EIF2B3: variants seen among roughly 807,000 people sequenced by gnomAD.
EIF2B3 encodes eukaryotic translation initiation factor 2B subunit gamma.
In EIF2B3, 20 loss-of-function variants were observed where a neutral mutation model predicts 54.1. The observed-to-expected ratio is 0.37, with a 90% confidence interval of 0.26 to 0.54. EIF2B3 has a LOEUF of 0.54. Among genes scored for constraint, EIF2B3 ranks in the 20% least tolerant of loss-of-function variants. EIF2B3 has a pLI of 0.86. For synonymous variants in EIF2B3, 153 were observed against 188.1 expected, an observed-to-expected ratio of 0.81 and a Z score of 1.52; for missense variants, 448 against 547.8, an observed-to-expected ratio of 0.82 and a Z score of 1.82.
Position 44,943,196 on chromosome 1 carries a change from A to T in EIF2B3, c.295-1531T>A, listed in dbSNP as rs536499. 6.8e-3 allele frequency among the ~76,000 whole-genome samples: 1,026 copies of T among 151,750 alleles called. 13 individuals carry two copies. Among genetic ancestry groups the T allele is most frequent in the African/African-American group, 0.024 (974 of 41,388 alleles). On this transcript the variant is annotated intron_variant, in intron 3 of 11. Coordinates refer to ENST00000360403, the MANE Select transcript of EIF2B3 (RefSeq NM_020365.5). ...AATTTTATTTTTAAATTAAAAAAAAAATAGAGACAGGGTCTCACTATGTTT... is the reference window on the plus strand; with the variant it reads ...AATTTTATTTTTAAATTAAAAAAAATATAGAGACAGGGTCTCACTATGTTT...
At position 44,955,888 on chromosome 1, in the gene EIF2B3, A is replaced by G. The variant is rs183922150; in HGVS notation, c.295-14223T>C. On this transcript the variant is annotated intron_variant, in intron 3 of 11. Coordinates refer to ENST00000360403, the MANE Select transcript of EIF2B3 (RefSeq NM_020365.5). ...CAGATGCTGGAGAGGATGTGGAGAA[A>G]CAGGAATGCTTTTACACTGTTGGTG... is the stretch of plus-strand genomic sequence containing the variant. 1.8e-3 allele frequency among the ~76,000 whole-genome samples: 267 copies of G among 152,334 alleles called. 1 individual carries two copies. Among genetic ancestry groups the G allele is most frequent in the African/African-American group, 6.1e-3 (254 of 41,584 alleles).
At chr1:44,956,308 G>A (rs546547356) in intron 3 of EIF2B3, among the ~76,000 whole-genome samples, 139 of 152,162 alleles carry the variant, frequency 9.1e-4, no homozygotes, top group Non-Finnish European at 1.6e-3. Flanking sequence ...AGTGGGAGTT[G>A]AACAATGAGA....
chr1:44,889,295 G>C (rs1321080645), intron 6 of EIF2B3, among the ~76,000 whole-genome samples: 1 of 152,196 alleles, frequency 6.6e-6, no homozygotes, highest in South Asian at 2.1e-4. Context: ...CAGCACTGTG[G>C]GAGGCTGAAG....
At chr1:44,877,220 A>AAAAAAAAAAAAC (rs1557666602) in intron 8 of EIF2B3, among the ~76,000 whole-genome samples, 1 of 148,570 alleles carries the variant, frequency 6.7e-6, no homozygotes, top group African/African-American at 2.5e-5. Context: ...AAAAAAAAAA[A>AAAAAAAAAAAAC]AACACCTTAG....
In EIF2B3 at chr1:44,980,648, G is replaced by A. The variant is rs183839366; in HGVS notation, c.148+373C>T. Among the ~76,000 whole-genome samples the A allele has an allele frequency of 4.6e-5, 7 of 151,900 alleles. No individual in the cohort carries two copies. In the East Asian group the frequency reaches 1.2e-3, roughly 25 times the overall value. Reference sequence around the variant, plus strand: ...TACCTCCGTGTTTAATATATAACCTGGTACTTACATCAAAACAAAATTTAA... The same window carrying A: ...TACCTCCGTGTTTAATATATAACCTAGTACTTACATCAAAACAAAATTTAA... On this transcript the variant is annotated intron_variant, in intron 2 of 11. Coordinates refer to ENST00000360403, the MANE Select transcript of EIF2B3 (RefSeq NM_020365.5).
At chr1:44,919,504 A>C (rs924496622) in intron 5 of EIF2B3, among the ~76,000 whole-genome samples, 3 of 152,178 alleles carry the variant, frequency 2.0e-5, no homozygotes, top group African/African-American at 4.8e-5. Flanking sequence ...CTAACTACTT[A>C]AGTGCTCCAA....
At chr1:44,970,033 A>C (rs1279519312) in intron 3 of EIF2B3, 1 of 152,210 alleles carries the variant, frequency 6.6e-6, no homozygotes, top group Non-Finnish European at 1.5e-5. Flanking sequence ...TCAGGGAAAG[A>C]GGTTTGGGTA....
At chr1:44,880,116 A>G (rs549312012) in intron 7 of EIF2B3, 108 bp from the exon 8 acceptor site, 7 of 1,243,088 alleles carry the variant, frequency 5.6e-6, no homozygotes, top group African/African-American at 4.5e-5. Flanking sequence ...AGGTCTTGCT[A>G]TGTTGCCTAG....
In EIF2B3 at chr1:44,959,058, T is replaced by C. The variant is rs1475572352; in HGVS notation, c.295-17393A>G. On this transcript the variant is annotated intron_variant, in intron 3 of 11. Transcript: ENST00000360403. ...CATCTGAGAAACTTATGGAACGCCA[T>C]CTTCAGCATCAAAAGCTCCAAGGCC... The C allele has an allele frequency of 1.3e-5, 10 of 754,032 alleles. No individual in the cohort carries two copies. The Admixed American group carries it at 1.8e-4, about 14-fold the overall frequency. 46.7% of individuals were successfully genotyped at this position (754,032 alleles called of 1,614,324 possible).
intron 11 of EIF2B3, among the ~76,000 whole-genome samples, chr1:44,851,285 G>A (rs963315738): frequency 2.6e-5 from 4 of 152,110 alleles, no homozygotes; most frequent in South Asian, 2.1e-4. Flanking sequence ...GGCTGGTCTC[G>A]AACTCCTAAC....
At chr1:44,918,389 A>C (rs551431731) in intron 5 of EIF2B3, among the ~76,000 whole-genome samples, 1 of 148,770 alleles carries the variant, frequency 6.7e-6, no homozygotes, top group Non-Finnish European at 1.5e-5. Context: ...GCAATAGCAT[A>C]GTAGCTTTTT....
chr1:44,945,422 C>T (rs1644089302), intron 3 of EIF2B3, among the ~76,000 whole-genome samples: 1 of 151,788 alleles, frequency 6.6e-6, no homozygotes, highest in Admixed American at 6.6e-5. Context: ...GGCGTGGTGG[C>T]AGGCGCCTGT....
At chr1:44,982,543 C>T (rs532855132) in intron 1 of EIF2B3, among the ~76,000 whole-genome samples, 24 of 152,228 alleles carry the variant, frequency 1.6e-4, no homozygotes, top group African/African-American at 5.1e-4. Flanking sequence ...GGTGATCCAC[C>T]GGAGTCGGCC....
At chr1:44,902,784 T>TGC (rs1203168978) in intron 5 of EIF2B3, among the ~76,000 whole-genome samples, 2 of 129,540 alleles carry the variant, frequency 1.5e-5, no homozygotes, top group African/African-American at 5.7e-5. Flanking sequence ...GCCATGAACG[T>TGC]GCTACTGCAC....
intron 6 of EIF2B3, among the ~76,000 whole-genome samples, chr1:44,884,991 T>C (rs1655529947): frequency 2.0e-5 from 3 of 152,232 alleles, no homozygotes; most frequent in South Asian, 4.1e-4. Flanking sequence ...AAACAATTAC[T>C]CTTCCTGCTT....
At chr1:44,928,061 G>C (rs1643869230) in intron 4 of EIF2B3, among the ~76,000 whole-genome samples, 1 of 152,040 alleles carries the variant, frequency 6.6e-6, no homozygotes, top group Non-Finnish European at 1.5e-5. Flanking sequence ...CTGAGGCAGG[G>C]GGATCCCTTT....
chr1:44,955,766 A>G (rs1644217031), intron 3 of EIF2B3, among the ~76,000 whole-genome samples: 1 of 152,234 alleles, frequency 6.6e-6, no homozygotes, highest in Non-Finnish European at 1.5e-5. Context: ...AAAAAAGCTC[A>G]TCATCACTGG....
chr1:44,982,760 C>A (rs1179183845), intron 1 of EIF2B3, among the ~76,000 whole-genome samples: 1 of 148,216 alleles, frequency 6.7e-6, no homozygotes, highest in Non-Finnish European at 1.5e-5. Flanking sequence ...ACCACCATGC[C>A]TGGCTTTTTT....
intron 5 of EIF2B3, among the ~76,000 whole-genome samples, chr1:44,898,585 G>A (rs930162822): frequency 6.6e-6 from 1 of 151,920 alleles, no homozygotes; most frequent in African/African-American, 2.4e-5. Context: ...CACAGGGAAG[G>A]GGAGTATGGT....
Sources: gnomAD v4.1 joint callset for allele counts (sites outside exome capture counted in the v4.1 genomes callset) on GRCh38, gnomAD v4.1.1 for gene constraint, MANE v1.5 for transcripts, NCBI Gene and HGNC (gene_info 2026-07-23, HGNC 2026-07-21) for gene names.